AMPH: variants seen among roughly 807,000 people sequenced by gnomAD.
AMPH encodes the protein amphiphysin.
AMPH carries 49 observed loss-of-function variants against 99.1 expected under a neutral mutation model. The ratio of observed to expected loss-of-function variants is 0.49; its 90% CI spans 0.39 to 0.63. The LOEUF is 0.63. Ranked by LOEUF, AMPH falls within the 20% of genes least tolerant of loss-of-function variation. The probability of loss-of-function intolerance (pLI) is 0.00; values close to 1 mark genes in which losing one functional copy is unlikely to be tolerated. For missense variants in AMPH, 759 were observed against 863.4 expected (o/e 0.88, Z 1.52); for synonymous variants, 314 against 317.3 (o/e 0.99, Z 0.11).
intron 2 of AMPH, 23 bp from the exon 3 acceptor site, chr7:38,503,727 C>T: frequency 6.2e-7 from 1 of 1,610,310 alleles, no homozygotes; most frequent in South Asian, 1.1e-5. Context: ...AGCACAGATG[C>T]TAAATATCTA....
intron 1 of AMPH, among the ~76,000 whole-genome samples, chr7:38,626,229 T>C (rs181363749): frequency 2.6e-5 from 4 of 152,308 alleles, no homozygotes; most frequent in Non-Finnish European, 2.9e-5. Context: ...TAGGTATACA[T>C]GTGCAATGGT....
intron 10 of AMPH, among the ~76,000 whole-genome samples, chr7:38,462,328 C>A (rs927039756): frequency 1.3e-5 from 2 of 152,128 alleles, no homozygotes; most frequent in Non-Finnish European, 2.9e-5. Flanking sequence ...CAGGACACAA[C>A]CCCTTTGTAA....
intron 16 of AMPH, among the ~76,000 whole-genome samples, chr7:38,419,371 A>T (rs1384729251): frequency 7.7e-6 from 1 of 129,440 alleles, no homozygotes; most frequent in Non-Finnish European, 1.6e-5. Flanking sequence ...GCATGCCAGG[A>T]TCACACGACT....
chr7:38,423,089 CCA>C (rs1299371809), intron 15 of AMPH, among the ~76,000 whole-genome samples: 1 of 152,178 alleles, frequency 6.6e-6, no homozygotes, highest in East Asian at 1.9e-4. Context: ...CATCTTTAGT[CCA>C]CAGCTTCTCT....
intron 2 of AMPH, among the ~76,000 whole-genome samples, chr7:38,505,907 A>C (rs2043788): frequency 0.46 from 70,029 of 151,816 alleles, 16,262 homozygotes; most frequent in Admixed American, 0.49. Context: ...CTATGCTGCA[A>C]CTCCCTACCA....
chr7:38,385,012 G>A (rs1352956062), intron 20 of AMPH, 87 bp from the exon 21 acceptor site: 15 of 1,225,200 alleles, frequency 1.2e-5, no homozygotes, highest in Non-Finnish European at 1.8e-5. Flanking sequence ...TGTTACATTA[G>A]TGTTGTGGTT....
rs1219040996 is a variant in AMPH, at chr7:38,384,160, G to A, written c.*658C>T. ...CATTAGGCAAAACTGCAATTGTAAT[G>A]CCAGACAGAATAAGAGCAATGCATG... On this transcript the variant is annotated 3_prime_UTR_variant, in exon 21 of 21. Coordinates refer to ENST00000356264, the MANE Select transcript of AMPH (RefSeq NM_001635.4). 6.6e-6 allele frequency: 1 copy of A among 152,360 alleles called. No homozygotes were observed. The highest frequency in any genetic ancestry group is 1.5e-5 in the Non-Finnish European group (1 of 68,144). The allele number at this position is 152,360 out of a possible 1,614,324, so 9.4% of individuals were successfully genotyped here.
intron 17 of AMPH, among the ~76,000 whole-genome samples, chr7:38,400,637 C>T (rs1200819339): frequency 6.6e-6 from 1 of 152,168 alleles, no homozygotes; most frequent in Non-Finnish European, 1.5e-5. Context: ...GGACCAAGAC[C>T]CCCAAACATG....
At chr7:38,605,750 T>TA (rs1793413997) in intron 1 of AMPH, among the ~76,000 whole-genome samples, 1 of 151,972 alleles carries the variant, frequency 6.6e-6, no homozygotes, top group African/African-American at 2.4e-5. Context: ...TATTTTTTTT[T>TA]TAAATATTTT....
rs79954728 is a variant in AMPH, at chr7:38,603,108, G to A, written c.69+28175C>T. On this transcript the variant is annotated intron_variant, in intron 1 of 20. Coordinates refer to ENST00000356264, the MANE Select transcript of AMPH (RefSeq NM_001635.4). ...TGGCAGGTGGATCACTTGAGGTCAG[G>A]AGTTCAAGACCAGCCTGGGCAACAT... 1.1e-4 allele frequency among the ~76,000 whole-genome samples: 16 copies of A among 152,168 alleles called. No individual in the cohort carries two copies. In the East Asian group the frequency reaches 3.1e-3, roughly 29 times the overall value.
At chr7:38,532,737 T>A (rs1790454213) in intron 2 of AMPH, among the ~76,000 whole-genome samples, 1 of 118,576 alleles carries the variant, frequency 8.4e-6, no homozygotes, top group African/African-American at 3.0e-5. Context: ...TCAAGAAAGC[T>A]GGGAAAAAAA....
chr7:38,462,829 G>T, intron 10 of AMPH, 146 bp downstream of exon 10: 2 of 866,292 alleles, frequency 2.3e-6, no homozygotes, highest in Non-Finnish European at 3.3e-6. Flanking sequence ...ATACCTTCAT[G>T]ACAATCACAA....
At chr7:38,572,289 C>T (rs376483326) in intron 1 of AMPH, among the ~76,000 whole-genome samples, 1 of 152,120 alleles carries the variant, frequency 6.6e-6, no homozygotes, top group African/African-American at 2.4e-5. Flanking sequence ...CACTGTCCTA[C>T]AGTTATCTAC....
intron 2 of AMPH, among the ~76,000 whole-genome samples, chr7:38,530,576 T>A (rs1219398477): frequency 1.3e-5 from 2 of 152,234 alleles, no homozygotes; most frequent in African/African-American, 4.8e-5. Flanking sequence ...TAGTTGGTTA[T>A]CTGGGCTCAA....
intron 1 of AMPH, among the ~76,000 whole-genome samples, chr7:38,605,104 T>C (rs186355981): frequency 6.6e-6 from 1 of 152,166 alleles, no homozygotes; most frequent in East Asian, 1.9e-4. Flanking sequence ...ACTGATCCCA[T>C]AATAAGTATG....
Position 38,618,410 on chromosome 7 carries a change from G to C in AMPH, c.69+12873C>G, listed in dbSNP as rs910499904. ...ACCTGTAGTCCCAGCTACTCGGGAG[G>C]CTGAGGCAGGAGAATGGCATGAAAC... On this transcript the variant is annotated intron_variant, in intron 1 of 20. Coordinates refer to ENST00000356264, the MANE Select transcript of AMPH (RefSeq NM_001635.4). Among the ~76,000 whole-genome samples the C allele has an allele frequency of 5.3e-5, 8 of 152,112 alleles. No individual in the cohort carries two copies. The East Asian group carries it at 1.6e-3, about 29-fold the overall frequency.
chr7:38,470,457 A>G (rs1787841523), intron 7 of AMPH, among the ~76,000 whole-genome samples: 1 of 152,086 alleles, frequency 6.6e-6, no homozygotes, highest in Non-Finnish European at 1.5e-5. Flanking sequence ...TGTAAATGAT[A>G]GTCCTGGCAC....
chr7:38,395,818 A>C (rs1389653859), intron 17 of AMPH, among the ~76,000 whole-genome samples: 2 of 152,248 alleles, frequency 1.3e-5, no homozygotes. Context: ...GAGCATCAGA[A>C]ATCGGAGATG....
At chr7:38,436,143 T>G in intron 12 of AMPH, 129 bp downstream of exon 12, 1 of 680,510 alleles carries the variant, frequency 1.5e-6, no homozygotes, top group South Asian at 1.9e-5. Context: ...CTCTTTCCTA[T>G]TAGGAAATAT....
Sources: allele counts gnomAD v4.1 joint callset (sites outside exome capture counted in the v4.1 genomes callset), GRCh38; gene constraint gnomAD v4.1.1; transcripts MANE v1.5; gene names NCBI Gene and HGNC (gene_info 2026-07-23, HGNC 2026-07-21).